CPLANE1: variants seen among roughly 807,000 people sequenced by gnomAD.
CPLANE1 encodes ciliogenesis and planar polarity effector 1.
In CPLANE1, 263 loss-of-function variants were observed where a neutral mutation model predicts 362.5. The observed-to-expected ratio is 0.73, with a 90% CI of 0.66 to 0.80. The LOEUF (loss-of-function observed/expected upper bound fraction) is 0.80. Ranked by LOEUF, CPLANE1 falls within the 30% of genes least tolerant of loss-of-function variation. CPLANE1 has a pLI of 0.00. For missense variants in CPLANE1, 3,461 were observed against 3,793.4 expected, an observed-to-expected ratio of 0.91 and a Z score of 2.30; for synonymous variants, 1,212 against 1,302.6, an observed-to-expected ratio of 0.93 and a Z score of 1.50.
chr5:37,094,645 C>G, the CPLANE1 span, among the ~76,000 whole-genome samples: 1 of 152,056 alleles, frequency 6.6e-6, no homozygotes, highest in Non-Finnish European at 1.5e-5. Context: ...GAAACAAAAA[C>G]CTGGTTCATT....
In CPLANE1 at chr5:37,179,455, T is replaced by C. The variant is rs1295768017; in HGVS notation, c.5738-12A>G. The C allele has an allele frequency of 1.9e-6, 3 of 1,579,544 alleles. No individual in the cohort carries two copies. The highest frequency in any genetic ancestry group is 1.7e-6 in the Non-Finnish European group (2 of 1,155,234). ...TTCTTCAATGTCTTCTAGCGATAAG[T>C]GAAGATGAAGAGAAAACTGATCATT... On this transcript the variant is annotated splice_polypyrimidine_tract_variant and intron_variant, in intron 28 of 52. Transcript: ENST00000651892.
intron 46 of CPLANE1, among the ~76,000 whole-genome samples, chr5:37,126,393 C>T (rs1764133121): frequency 6.6e-6 from 1 of 152,180 alleles, no homozygotes; most frequent in Middle Eastern, 3.2e-3. Context: ...TGCTGCAAGA[C>T]ACAGGTGACT....
intron 8 of CPLANE1, among the ~76,000 whole-genome samples, chr5:37,235,590 T>G (rs1798796298): frequency 9.8e-6 from 1 of 102,176 alleles, no homozygotes; most frequent in African/African-American, 4.6e-5. Flanking sequence ...TTTTTTTTTT[T>G]GCAATGGAGT....
At position 37,167,605 on chromosome 5, in the gene CPLANE1, C is replaced by T. The variant is rs547776358; in HGVS notation, c.7234-392G>A. Among the ~76,000 whole-genome samples the T allele has an allele frequency of 5.3e-5, 8 of 152,206 alleles. No individual in the cohort carries two copies. The South Asian group carries it at 1.0e-3, about 20-fold the overall frequency. On this transcript the variant is annotated intron_variant, in intron 34 of 52. Transcript: ENST00000651892. Reference sequence around the variant, plus strand: ...CAGCCTGACCAACATGGTGAAACCCCGTCCCTACTAAAGATATAAAAAATT... The same window carrying T: ...CAGCCTGACCAACATGGTGAAACCCTGTCCCTACTAAAGATATAAAAAATT...
intron 51 of CPLANE1, among the ~76,000 whole-genome samples, chr5:37,111,214 G>A (rs1376542745): frequency 1.1e-4 from 17 of 151,222 alleles, no homozygotes; most frequent in African/African-American, 2.2e-4. Flanking sequence ...TCCACCTCCC[G>A]GGTTCACACC....
rs568452152 is a variant in CPLANE1 at position 37,209,166 on chromosome 5, C to A, written c.2921-2741G>T. Reference sequence around the variant, plus strand: ...CAGAACCGCGAAGAAAGGAAGCTAGCGTGTTTGTTAGAAAACCTAGTTGGG... The same window carrying A: ...CAGAACCGCGAAGAAAGGAAGCTAGAGTGTTTGTTAGAAAACCTAGTTGGG... On this transcript the variant is annotated intron_variant, in intron 16 of 52. Coordinates refer to ENST00000651892, the MANE Select transcript of CPLANE1 (RefSeq NM_001384732.1). This position sits in a 1 kb window ranked among gnomAD's most constrained non-coding sequence, Gnocchi z 4.6. Among the ~76,000 whole-genome samples, 2 of 152,288 alleles carry A rather than the reference C, an allele frequency of 1.3e-5. No individual in the cohort carries two copies. The highest frequency in any genetic ancestry group is 3.9e-4 in the East Asian group (2 of 5,178).
chr5:37,079,990 G>A, the CPLANE1 span, among the ~76,000 whole-genome samples: 1 of 152,146 alleles, frequency 6.6e-6, no homozygotes, highest in Non-Finnish European at 1.5e-5. Flanking sequence ...CTCATTGGAT[G>A]TTTCCTCTCT....
intron 52 of CPLANE1, 140 bp downstream of exon 52, chr5:37,108,153 C>T (rs1220913846): frequency 3.9e-6 from 3 of 770,794 alleles, no homozygotes; most frequent in Admixed American, 2.9e-5. Context: ...CTTTGCATCA[C>T]GATTTCAAAC....
At chr5:37,189,866 G>A (rs569958181) in intron 21 of CPLANE1, among the ~76,000 whole-genome samples, 1 of 152,166 alleles carries the variant, frequency 6.6e-6, no homozygotes, top group Admixed American at 6.5e-5. Context: ...GGGCGTGGTG[G>A]TGTGCACCTG....
At chr5:37,132,469 C>T (rs979495977) in intron 46 of CPLANE1, among the ~76,000 whole-genome samples, 2 of 151,572 alleles carry the variant, frequency 1.3e-5, no homozygotes, top group Non-Finnish European at 1.5e-5. Flanking sequence ...CTCAGCCTCC[C>T]GAGTAGCTGG....
At chr5:37,103,965 A>G (rs1757419543), downstream of CPLANE1, among the ~76,000 whole-genome samples, 1 of 152,060 alleles carries the variant, frequency 6.6e-6, no homozygotes. Flanking sequence ...ATGTTTTCCA[A>G]CTTGATTCTG....
chr5:37,225,852 CAA>C (rs70976285), intron 12 of CPLANE1, among the ~76,000 whole-genome samples: 826 of 57,714 alleles, frequency 0.014, 2 homozygotes, highest in Non-Finnish European at 0.022. Flanking sequence ...TACTCCATCT[CAA>C]AAAAAAAAAA....
At position 37,224,720 on chromosome 5, in the gene CPLANE1, A is replaced by G; in HGVS notation, c.2312T>C (p.Ile771Thr). ...ATACCATAAAGTTTTTTTGTACAGT[A>G]TTCTCCAGAGAATAAGCAATCTGCA... Reference protein sequence around the residue: ...PGHRLLILWRILYKKTLWYQA... With the variant: ...PGHRLLILWRTLYKKTLWYQA... Residue 771 changes from isoleucine (I) to threonine (T), a missense_variant, in exon 13 of 53, where the codon ATA becomes ACA. Transcript: ENST00000651892. 6.4e-7 allele frequency: 1 copy of G among 1,550,558 alleles called. No homozygotes were observed.
chr5:37,122,402 AAC>A, intron 48 of CPLANE1, 26 bp downstream of exon 48: 1 of 1,593,656 alleles, frequency 6.3e-7, no homozygotes, highest in Non-Finnish European at 8.6e-7. Flanking sequence ...TTAGAGAGAA[AAC>A]ACAGGGTTAC....
At chr5:37,192,865 A>C (rs1010890555) in intron 21 of CPLANE1, among the ~76,000 whole-genome samples, 5 of 139,504 alleles carry the variant, frequency 3.6e-5, no homozygotes, top group Non-Finnish European at 6.2e-5. Flanking sequence ...AAAAAAAAAA[A>C]AAAAAACAAA....
chr5:37,236,031 G>A (rs1246196447), intron 8 of CPLANE1, among the ~76,000 whole-genome samples: 3 of 151,136 alleles, frequency 2.0e-5, no homozygotes, highest in Non-Finnish European at 4.4e-5. Flanking sequence ...CACCACACCT[G>A]GCTAATTTTA....
At chr5:37,241,602 A>T (rs1156755497) in intron 6 of CPLANE1, among the ~76,000 whole-genome samples, 2 of 152,156 alleles carry the variant, frequency 1.3e-5, no homozygotes, top group Non-Finnish European at 2.9e-5. Context: ...CTAGTTGTAC[A>T]CTTAAGACTT....
At chr5:37,098,665 T>A in the CPLANE1 span, among the ~76,000 whole-genome samples, 1 of 150,658 alleles carries the variant, frequency 6.6e-6, no homozygotes, top group Non-Finnish European at 1.5e-5. Flanking sequence ...TTCAAATAAA[T>A]CAAAATAATA....
At chr5:37,125,015 T>G (rs1763755669) in intron 47 of CPLANE1, 1 of 1,290,668 alleles carries the variant, frequency 7.7e-7, no homozygotes, top group Non-Finnish European at 9.8e-7. Flanking sequence ...ATCATTAGCC[T>G]GGGGGACAAG....
Sources: gnomAD v4.1 joint callset for allele counts (sites outside exome capture counted in the v4.1 genomes callset) on GRCh38, gnomAD v4.1.1 for gene constraint, Gnocchi (gnomAD v3.1) non-coding constraint, MANE v1.5 for transcripts, NCBI Gene and HGNC (gene_info 2026-07-23, HGNC 2026-07-21) for gene names.